The following ZNF827 variants were observed in gnomAD, a reference collection of about 807,000 sequenced individuals.
ZNF827 encodes zinc finger protein 827.
ZNF827 carries 13 observed loss-of-function variants against 102.4 expected under a neutral mutation model. The ratio of observed to expected loss-of-function variants is 0.13; its 90% CI spans 0.08 to 0.20. The LOEUF is 0.20. Among genes scored for constraint, ZNF827 ranks in the 10% least tolerant of loss-of-function variants. The probability of loss-of-function intolerance (pLI) is 1.00; values close to 1 mark genes in which losing one functional copy is unlikely to be tolerated. For synonymous variants in ZNF827, 523 were observed against 536.2 expected (o/e 0.98, Z 0.34); for missense variants, 1,103 against 1,344.4 (o/e 0.82, Z 2.81).
intron 4 of ZNF827, among the ~76,000 whole-genome samples, chr4:145,885,389 C>G (rs1310716888): frequency 5.3e-5 from 8 of 152,040 alleles, no homozygotes; most frequent in Non-Finnish European, 1.2e-4. Context: ...GACCATTCCC[C>G]CCTACAGTAA....
rs886617931 is a variant in ZNF827, at chr4:145,757,939, A to T, written c.*3677T>A. 2.0e-5 allele frequency: 3 copies of T among 152,204 alleles called. No homozygotes were observed. Among genetic ancestry groups the T allele is most frequent in the Non-Finnish European group, 4.4e-5 (3 of 68,036 alleles). 9.4% of individuals were successfully genotyped at this position (152,204 alleles called of 1,614,324 possible). A position where few individuals can be genotyped will look rare whatever the true frequency, so the allele number is the denominator to read the frequency against. ...TTTTCATTGAAGAATGCATAGTGAC[A>T]ACAATTGAAGTTAGTTGGTAGGTGA... On this transcript the variant is annotated 3_prime_UTR_variant, in exon 15 of 15. Transcript: ENST00000508784.
chr4:145,794,892 G>T lies in ZNF827; in HGVS notation c.2384-15381C>A, dbSNP rs982156919. 2.0e-5 allele frequency among the ~76,000 whole-genome samples: 3 copies of T among 152,296 alleles called. No homozygotes were observed. The South Asian group carries it at 6.2e-4, about 32-fold the overall frequency. On this transcript the variant is annotated intron_variant, in intron 8 of 14. Transcript: ENST00000508784. ...GGCAAGAAACCATGGGTTAAAAAGT[G>T]AGTTTTCAAAGACAGGGCTTTCAAG... is the stretch of plus-strand genomic sequence containing the variant.
intron 7 of ZNF827, among the ~76,000 whole-genome samples, chr4:145,826,877 GC>G (rs1242999697): frequency 2.0e-5 from 3 of 152,130 alleles, no homozygotes; most frequent in African/African-American, 7.2e-5. Context: ...CTCCCAAGTA[GC>G]TGGGATTACA....
chr4:145,798,224 C>T (rs116176275), intron 8 of ZNF827, among the ~76,000 whole-genome samples: 1,836 of 152,292 alleles, frequency 0.012, 39 homozygotes, highest in African/African-American at 0.041. Context: ...TGTCACTTTA[C>T]ATGCAAGTAA....
Position 145,929,798 on chromosome 4 carries a change from G to A in ZNF827, c.43+8567C>T, listed in dbSNP as rs145426331. On this transcript the variant is annotated intron_variant, in intron 1 of 14. Coordinates refer to ENST00000508784, the MANE Select transcript of ZNF827 (RefSeq NM_001306215.2). Reference sequence around the variant, plus strand: ...CTTTCTATGCAGCAGGCACTAATTAGGCATGATTTTGTGTATATGTATAAT... The same window carrying A: ...CTTTCTATGCAGCAGGCACTAATTAAGCATGATTTTGTGTATATGTATAAT... 9.7e-3 allele frequency among the ~76,000 whole-genome samples: 1,469 copies of A among 152,206 alleles called. 10 individuals carry two copies. Among genetic ancestry groups the A allele is most frequent in the Non-Finnish European group, 0.017 (1,157 of 68,024 alleles).
At chr4:145,900,763 T>A (rs147983931) in intron 2 of ZNF827, among the ~76,000 whole-genome samples, 1 of 152,160 alleles carries the variant, frequency 6.6e-6, no homozygotes, top group Non-Finnish European at 1.5e-5. Context: ...TATCCCTAAA[T>A]GAAATTTCTA....
chr4:145,892,670 C>G (rs1030479883), intron 2 of ZNF827, among the ~76,000 whole-genome samples: 1 of 145,462 alleles, frequency 6.9e-6, no homozygotes, highest in Non-Finnish European at 1.6e-5. Flanking sequence ...AGTCTGACTT[C>G]CAAAGGCCAT....
At chr4:145,896,944 T>G (rs375865780) in intron 2 of ZNF827, among the ~76,000 whole-genome samples, 2 of 151,968 alleles carry the variant, frequency 1.3e-5, no homozygotes, top group Admixed American at 6.5e-5. Context: ...AACTCAAAAA[T>G]TGGAAAAAAA....
Position 145,794,293 on chromosome 4 carries a change from C to T in ZNF827, c.2384-14782G>A, listed in dbSNP as rs559979625. ...CAACAGTGTATGGCTGCTTTTTCAG[C>T]GTGTGAATTTGCCTCAATGTCCTGT... On this transcript the variant is annotated intron_variant, in intron 8 of 14. Transcript: ENST00000508784. Among the ~76,000 whole-genome samples, 11 of 152,244 alleles carry T rather than the reference C, an allele frequency of 7.2e-5. No individual in the cohort carries two copies. In the East Asian group the frequency reaches 7.7e-4, roughly 11 times the overall value.
intron 1 of ZNF827, among the ~76,000 whole-genome samples, chr4:145,926,630 TGG>T (rs1222096078): frequency 6.6e-6 from 1 of 152,202 alleles, no homozygotes; most frequent in African/African-American, 2.4e-5. Flanking sequence ...GGGTGGAAGT[TGG>T]GATGAGGGGA....
chr4:145,928,598 T>C (rs1198459576), intron 1 of ZNF827, among the ~76,000 whole-genome samples: 1 of 152,196 alleles, frequency 6.6e-6, no homozygotes, highest in African/African-American at 2.4e-5. Context: ...GAACCTACAA[T>C]GGTCTCCCAC....
Position 145,774,608 on chromosome 4 carries a change from C to G in ZNF827, c.2758G>C (p.Val920Leu). 1 of 1,613,758 alleles carries G rather than the reference C, an allele frequency of 6.2e-7. No individual in the cohort carries two copies. The highest frequency in any genetic ancestry group is 8.5e-7 in the Non-Finnish European group (1 of 1,179,918). Residue 920 changes from valine to leucine, a missense_variant, in exon 11 of 15, where the codon GTG (valine) becomes CTG (leucine). Val to Leu is a conservative substitution (Grantham distance 32). Around this residue, in one of 5 missense-constraint regions of ZNF827, gnomAD observed 242 missense variants for 361.9 expected, o/e 0.67. Transcript: ENST00000508784. ...GAAAACATCCACTGCTCCTTGTCCA[C>G]GTGGAGTGACATGTGGCTGACAAAC... Reference protein sequence around the residue: ...VQFVSHMSLHVDKEQWMFSIC... With the variant: ...VQFVSHMSLHLDKEQWMFSIC...
chr4:145,931,110 C>G (rs961089610), intron 1 of ZNF827, among the ~76,000 whole-genome samples: 1 of 152,172 alleles, frequency 6.6e-6, no homozygotes, highest in African/African-American at 2.4e-5. Flanking sequence ...GACAGAAATA[C>G]AAAAAACTTA....
Position 145,763,127 on chromosome 4 carries a change from G to A in ZNF827, c.3231-5C>T, listed in dbSNP as rs1315738247. On this transcript the variant is annotated splice_region_variant and splice_polypyrimidine_tract_variant and intron_variant, in intron 13 of 14. Coordinates refer to ENST00000508784, the MANE Select transcript of ZNF827 (RefSeq NM_001306215.2). The surrounding 1 kb of genome is among the most constrained non-coding windows in gnomAD (Gnocchi z 4.6). ...GAAACTCACCACTGTCCTGAGCTAC[G>A]GCAAAAGAAAAATAATAGTATAATC... is the stretch of plus-strand genomic sequence containing the variant. 34 of 1,535,886 alleles carry A rather than the reference G, an allele frequency of 2.2e-5. No homozygotes were observed. The highest frequency in any genetic ancestry group is 2.7e-5 in the African/African-American group (2 of 73,016).
intron 1 of ZNF827, among the ~76,000 whole-genome samples, chr4:145,921,288 T>C (rs568770966): frequency 1.3e-5 from 2 of 152,274 alleles, no homozygotes; most frequent in East Asian, 3.9e-4. Context: ...TGACAAAGCA[T>C]CTTCTAGATT....
At chr4:145,932,352 A>G (rs1753868866) in intron 1 of ZNF827, among the ~76,000 whole-genome samples, 1 of 152,244 alleles carries the variant, frequency 6.6e-6, no homozygotes, top group Non-Finnish European at 1.5e-5. Flanking sequence ...TTGTCCAGAC[A>G]GAATCCGAAC....
chr4:145,798,591 C>T (rs560593995), intron 8 of ZNF827, among the ~76,000 whole-genome samples: 8 of 152,212 alleles, frequency 5.3e-5, no homozygotes, highest in Admixed American at 2.0e-4. Context: ...ACTTGAAACC[C>T]GGGAGATGGA....
chr4:145,919,168 C>A (rs1206224752), intron 1 of ZNF827, among the ~76,000 whole-genome samples: 1 of 152,040 alleles, frequency 6.6e-6, no homozygotes, highest in Non-Finnish European at 1.5e-5. Context: ...GTGGGAGGAT[C>A]ACTTGAGACC....
intron 7 of ZNF827, 85 bp from the exon 8 acceptor site, chr4:145,823,610 G>A (rs1016172925): frequency 1.9e-5 from 16 of 852,016 alleles, no homozygotes; most frequent in African/African-American, 6.7e-5. Context: ...ACATATATAC[G>A]CAATATTAGA....
Sources: gnomAD v4.1 joint callset for allele counts (sites outside exome capture counted in the v4.1 genomes callset) on GRCh38, gnomAD v4.1.1 for gene constraint, gnomAD v4.1.1 regional missense constraint, Gnocchi (gnomAD v3.1) non-coding constraint, MANE v1.5 for transcripts, NCBI Gene and HGNC (gene_info 2026-07-23, HGNC 2026-07-21) for gene names.